ZNF107: variants seen among roughly 807,000 people sequenced by gnomAD.
ZNF107 encodes the protein zinc finger protein 107.
A neutral mutation model predicts 12.3 loss-of-function variants in ZNF107; 19 were observed. The ratio of observed to expected loss-of-function variants is 1.55; its 90% CI spans 1.08 to 2.27. ZNF107 has a LOEUF of 2.27. Among genes scored for constraint, ZNF107 ranks in the 30% most tolerant of loss-of-function variants. The pLI, the probability that ZNF107 is intolerant of heterozygous loss-of-function variation, is 0.00. For synonymous variants in ZNF107, 317 were observed against 330.5 expected (o/e 0.96, Z 0.44); for missense variants, 958 against 979.9 (o/e 0.98, Z 0.30).
chr7:64,671,370 A>G (rs1404142968), intron 1 of ZNF107, among the ~76,000 whole-genome samples: 1 of 152,206 alleles, frequency 6.6e-6, no homozygotes, highest in Non-Finnish European at 1.5e-5. Flanking sequence ...ATTTCACTAC[A>G]GCATTTTTTT....
intron 3 of ZNF107, among the ~76,000 whole-genome samples, chr7:64,704,110 T>C (rs977900690): frequency 1.3e-5 from 2 of 149,688 alleles, no homozygotes; most frequent in Non-Finnish European, 3.0e-5. Flanking sequence ...TTATATGTTG[T>C]ATATTCATTA....
intron 1 of ZNF107, chr7:64,678,993 G>C (rs1374461640): frequency 6.6e-6 from 1 of 152,018 alleles, no homozygotes; most frequent in African/African-American, 2.4e-5. Context: ...TTCCAGTATA[G>C]ATCTCCCATT....
intron 3 of ZNF107, among the ~76,000 whole-genome samples, chr7:64,697,932 G>A (rs1463762943): frequency 6.6e-6 from 1 of 152,024 alleles, no homozygotes; most frequent in Non-Finnish European, 1.5e-5. Context: ...CGCCCACCTC[G>A]GCCTCCCAAA....
At chr7:64,686,218 G>T (rs577776419) in intron 1 of ZNF107, among the ~76,000 whole-genome samples, 19 of 152,232 alleles carry the variant, frequency 1.2e-4, no homozygotes, top group East Asian at 1.2e-3. Flanking sequence ...AAATGAAAAG[G>T]CTTCTAAAAT....
intron 1 of ZNF107, among the ~76,000 whole-genome samples, chr7:64,674,440 AT>A (rs1363504402): frequency 6.6e-6 from 1 of 151,938 alleles, no homozygotes; most frequent in Non-Finnish European, 1.5e-5. Flanking sequence ...GATGCTACTG[AT>A]TTTTGTGCAT....
intron 1 of ZNF107, among the ~76,000 whole-genome samples, chr7:64,680,937 C>G (rs1207468279): frequency 6.6e-6 from 1 of 152,142 alleles, no homozygotes. Flanking sequence ...GCCCAGCAGC[C>G]CCTCCAGGGC....
intron 1 of ZNF107, among the ~76,000 whole-genome samples, chr7:64,688,767 T>A (rs1202342279): frequency 3.3e-5 from 5 of 152,226 alleles, no homozygotes; most frequent in Admixed American, 2.0e-4. Context: ...ATTTCTCTGT[T>A]CTTTGAGCTA....
intron 1 of ZNF107, among the ~76,000 whole-genome samples, chr7:64,690,763 G>T (rs1584479983): frequency 6.6e-6 from 1 of 150,414 alleles, no homozygotes; most frequent in Admixed American, 6.6e-5. Context: ...TTTTTTTTGA[G>T]ACAGAGTCTC....
rs763452718 is a variant in ZNF107 at position 64,707,482 on chromosome 7, T to C, written c.1385T>C (p.Phe462Ser). The change falls in exon 4 of 4, where the codon TTT becomes TCT. Residue 462 changes from phenylalanine (F) to serine (S), a missense_variant. Physicochemically the swap from Phe to Ser is radical, Grantham distance 155 (BLOSUM62 -2). Transcript: ENST00000620827. Reference sequence around the variant, plus strand: ...AAATGTGAAGAATGTGGCAAAGCTTTTAACCAACACTCAAACCTAATTAAC... The same window carrying C: ...AAATGTGAAGAATGTGGCAAAGCTTCTAACCAACACTCAAACCTAATTAAC... ...SYKCEECGKA[F>S]NQHSNLINHR... The C allele has an allele frequency of 6.2e-7, 1 of 1,613,414 alleles. No individual in the cohort carries two copies. The highest frequency in any genetic ancestry group is 2.2e-5 in the East Asian group (1 of 44,816).
At chr7:64,705,016 G>C (rs1790593144) in intron 3 of ZNF107, among the ~76,000 whole-genome samples, 1 of 152,016 alleles carries the variant, frequency 6.6e-6, no homozygotes, top group African/African-American at 2.4e-5. Flanking sequence ...TCTTTTATTT[G>C]GCAGGACAGT....
rs752464643 is a variant in ZNF107 at position 64,706,399 on chromosome 7, G to A, written c.302G>A (p.Arg101Lys). ...GATTCTTTCCAGAAAGTGACACTGAGAAGATACGGAAAATGTGAATATGAG... is the reference window on the plus strand; with the variant it reads ...GATTCTTTCCAGAAAGTGACACTGAAAAGATACGGAAAATGTGAATATGAG... ...IKDSFQKVTL[R>K]RYGKCEYENL... The change falls in exon 4 of 4, where the codon AGA (arginine) becomes AAA (lysine). Residue 101 changes from arginine to lysine, a missense_variant. Transcript: ENST00000620827. 1.9e-6 allele frequency: 3 copies of A among 1,612,998 alleles called. No homozygotes were observed. The South Asian group carries it at 3.3e-5, about 18-fold the overall frequency.
intron 3 of ZNF107, among the ~76,000 whole-genome samples, chr7:64,702,269 C>G (rs2128966928): frequency 6.6e-6 from 1 of 152,032 alleles, no homozygotes; most frequent in Non-Finnish European, 1.5e-5. Flanking sequence ...CCTGCCTCAG[C>G]CTCCCAAGTA....
At chr7:64,697,784 G>T (rs948810289) in intron 3 of ZNF107, among the ~76,000 whole-genome samples, 2 of 151,058 alleles carry the variant, frequency 1.3e-5, no homozygotes, top group Non-Finnish European at 2.9e-5. Context: ...TCCGCCTCCC[G>T]GGTTCACGCC....
intron 1 of ZNF107, among the ~76,000 whole-genome samples, chr7:64,686,336 C>T (rs940732248): frequency 2.6e-4 from 40 of 152,078 alleles, no homozygotes; most frequent in Admixed American, 6.6e-5. Flanking sequence ...CCTATTTGGA[C>T]CCTGCCTCTT....
At chr7:64,704,418 G>C (rs1212252207) in intron 3 of ZNF107, among the ~76,000 whole-genome samples, 1 of 151,744 alleles carries the variant, frequency 6.6e-6, no homozygotes, top group Non-Finnish European at 1.5e-5. Context: ...TCTAATTTTT[G>C]TATTTTTGGT....
At chr7:64,684,436 G>A (rs113124136) in intron 1 of ZNF107, 8 of 330,412 alleles carry the variant, frequency 2.4e-5, no homozygotes, top group Admixed American at 6.5e-5. Context: ...CTTCCTGGTC[G>A]TTTATGGTAC....
Position 64,706,716 on chromosome 7 carries a change from G to T in ZNF107, c.619G>T (p.Gly207Ter). ...RVNSYKCEEC[G>*]KAFNWFSTLT... ...GAATTCCTACAAATGTGAAGAATGT[G>T]GAAAAGCCTTTAACTGGTTCTCAAC... The change falls in exon 4 of 4, where the codon GGA (glycine) becomes TGA (stop). Residue 207 changes from glycine to a stop codon, truncating the protein, a stop_gained. Coordinates refer to ENST00000620827, the MANE Select transcript of ZNF107 (RefSeq NM_001282359.2). LOFTEE classifies it low-confidence loss of function (END_TRUNC). 6.2e-7 allele frequency: 1 copy of T among 1,612,504 alleles called. No homozygotes were observed. The highest frequency in any genetic ancestry group is 8.5e-7 in the Non-Finnish European group (1 of 1,179,398).
At chr7:64,697,107 G>A (rs1790316454) in intron 3 of ZNF107, among the ~76,000 whole-genome samples, 1 of 152,044 alleles carries the variant, frequency 6.6e-6, no homozygotes, top group Admixed American at 6.6e-5. Flanking sequence ...TGAGAATGAT[G>A]GTTTCCAGCT....
At chr7:64,699,620 A>G (rs1790401228) in intron 3 of ZNF107, among the ~76,000 whole-genome samples, 1 of 152,178 alleles carries the variant, frequency 6.6e-6, no homozygotes, top group Non-Finnish European at 1.5e-5. Flanking sequence ...TTGTAGGAAC[A>G]GGGCCTCACT....
Sources: allele counts gnomAD v4.1 joint callset (sites outside exome capture counted in the v4.1 genomes callset), GRCh38; gene constraint gnomAD v4.1.1; transcripts MANE v1.5; gene names NCBI Gene and HGNC (gene_info 2026-07-23, HGNC 2026-07-21).